Variants in ADGRL2 observed in about 807,000 individuals in gnomAD.
ADGRL2 encodes calcium-independent alpha-latrotoxin receptor 2.
In ADGRL2, 44 loss-of-function variants were observed where a neutral mutation model predicts 157.4. That is an observed-to-expected ratio of 0.28 (90% CI 0.22 to 0.36). The LOEUF (loss-of-function observed/expected upper bound fraction) is 0.36, where lower values mean the gene tolerates loss of function less well. Ranked by LOEUF, ADGRL2 falls within the 10% of genes least tolerant of loss-of-function variation. The probability of loss-of-function intolerance (pLI) is 1.00; values close to 1 mark genes in which losing one functional copy is unlikely to be tolerated. For missense variants in ADGRL2, 1,510 were observed against 1,768.9 expected (o/e 0.85, Z 2.63); for synonymous variants, 585 against 624.7 (o/e 0.94, Z 0.95).
upstream of ADGRL2, among the ~76,000 whole-genome samples, chr1:81,694,977 C>T (rs918377686): frequency 1.4e-4 from 21 of 152,112 alleles, 1 homozygote; most frequent in African/African-American, 5.1e-4. Context: ...TTTATTGATA[C>T]ATATATTTAT....
Position 81,911,876 on chromosome 1 carries a change from A to ATTTT in ADGRL2, c.287+4661_287+4664dup, listed in dbSNP as rs543340647. 1.2e-3 allele frequency among the ~76,000 whole-genome samples: 139 copies of ATTTT among 120,710 alleles called. 1 individual carries two copies. The East Asian group carries it at 0.02, about 17-fold the overall frequency. 79.2% of individuals were successfully genotyped at this position (120,710 alleles called of 152,430 possible). ...GTATAAAATAGGCCCCCTGCCTCCC[A>ATTTT]TTTTTTTTTTTTTTTTTTGCGGGGG... On this transcript the variant is annotated intron_variant, in intron 3 of 23. Coordinates refer to ENST00000686636, the MANE Select transcript of ADGRL2 (RefSeq NM_001366006.2).
At chr1:81,748,285 TG>T (rs2085369255) in intron 1 of ADGRL2, among the ~76,000 whole-genome samples, 1 of 151,884 alleles carries the variant, frequency 6.6e-6, no homozygotes, top group Non-Finnish European at 1.5e-5. Context: ...GAGACCATCC[TG>T]GCCAACATGG....
chr1:81,675,572 GTT>G (rs3045497), intron 3 of ADGRL2, among the ~76,000 whole-genome samples: 42,958 of 143,434 alleles, frequency 0.3, 6,192 homozygotes, highest in Admixed American at 0.37. Flanking sequence ...AAAATAAACT[GTT>G]TTTTTTTTTT....
At chr1:81,714,151 AT>A (rs1176570710) in intron 1 of ADGRL2, among the ~76,000 whole-genome samples, 2 of 152,128 alleles carry the variant, frequency 1.3e-5, no homozygotes, top group Non-Finnish European at 2.9e-5. Context: ...CTCCCATGAC[AT>A]GTGGGGATTA....
At chr1:81,908,735 A>G (rs964532471) in intron 3 of ADGRL2, among the ~76,000 whole-genome samples, 2 of 152,142 alleles carry the variant, frequency 1.3e-5, no homozygotes, top group African/African-American at 4.8e-5. Context: ...CAGTGTTGCC[A>G]GTGTTTGAAA....
intron 1 of ADGRL2, among the ~76,000 whole-genome samples, chr1:81,433,359 T>C (rs2077356028): frequency 6.6e-6 from 1 of 152,192 alleles, no homozygotes; most frequent in South Asian, 2.1e-4. Context: ...CAAAAGGTCA[T>C]AGACAACATA....
chr1:81,742,675 A>G (rs1232039720), intron 1 of ADGRL2, among the ~76,000 whole-genome samples: 1 of 152,112 alleles, frequency 6.6e-6, no homozygotes, highest in Non-Finnish European at 1.5e-5. Context: ...GATTGTTATT[A>G]TCATTCCAGC....
chr1:81,520,412 T>G (rs2148158356), intron 2 of ADGRL2, among the ~76,000 whole-genome samples: 1 of 152,098 alleles, frequency 6.6e-6, no homozygotes, highest in African/African-American at 2.4e-5. Context: ...TAACTTGAAC[T>G]TAAACACCTT....
At chr1:81,755,947 G>A (rs1183486380) in intron 1 of ADGRL2, among the ~76,000 whole-genome samples, 5 of 151,982 alleles carry the variant, frequency 3.3e-5, no homozygotes, top group South Asian at 2.1e-4. Context: ...ACCTCAATCC[G>A]CACCTATTAA....
Position 81,315,218 on chromosome 1 carries a change from TA to T in ADGRL2, c.-302+8716del, listed in dbSNP as rs372005699. On this transcript the variant is annotated intron_variant, in intron 1 of 24. Coordinates refer to the ADGRL2 transcript ENST00000370721. ...AGGTGCATTAAAGGTCACAATTCGA[TA>T]AAAAAATTGATTAGAGGTAGAGATT... is the stretch of plus-strand genomic sequence containing the variant. 4.7e-4 allele frequency among the ~76,000 whole-genome samples: 72 copies of T among 152,182 alleles called. No individual in the cohort carries two copies. In the East Asian group the frequency reaches 0.011, roughly 24 times the overall value.
At chr1:81,916,411 G>C (rs2094855791) in intron 3 of ADGRL2, among the ~76,000 whole-genome samples, 1 of 152,062 alleles carries the variant, frequency 6.6e-6, no homozygotes, top group African/African-American at 2.4e-5. Context: ...AAATAGAAAT[G>C]AAATTTTATT....
At chr1:81,475,901 C>T (rs11590543) in intron 2 of ADGRL2, among the ~76,000 whole-genome samples, 24,952 of 152,122 alleles carry the variant, frequency 0.16, 2,119 homozygotes, top group African/African-American at 0.2. Flanking sequence ...GTTATCTCTG[C>T]CACGGGGGCA....
intron 1 of ADGRL2, among the ~76,000 whole-genome samples, chr1:81,751,497 A>T (rs1172233541): frequency 1.3e-5 from 2 of 152,178 alleles, no homozygotes; most frequent in African/African-American, 4.8e-5. Context: ...AAACAAACTA[A>T]CTCACAATCT....
At chr1:81,411,418 G>T (rs2076942906) in intron 1 of ADGRL2, among the ~76,000 whole-genome samples, 1 of 152,084 alleles carries the variant, frequency 6.6e-6, no homozygotes, top group Non-Finnish European at 1.5e-5. Flanking sequence ...AATCCTTCCA[G>T]CAGCCCCATG....
At chr1:81,359,156 C>T (rs59559173) in intron 1 of ADGRL2, among the ~76,000 whole-genome samples, 6,794 of 152,006 alleles carry the variant, frequency 0.045, 244 homozygotes, top group African/African-American at 0.091. Flanking sequence ...CAAATGGAGG[C>T]CAGATCATAC....
intron 2 of ADGRL2, among the ~76,000 whole-genome samples, chr1:81,774,902 A>C (rs1447182413): frequency 6.6e-6 from 1 of 152,194 alleles, no homozygotes; most frequent in Non-Finnish European, 1.5e-5. Flanking sequence ...ATAGTAACAA[A>C]AGATGACACC....
chr1:81,883,647 A>C (rs980759190), intron 2 of ADGRL2, among the ~76,000 whole-genome samples: 10 of 152,158 alleles, frequency 6.6e-5, no homozygotes, highest in Non-Finnish European at 1.5e-5. Context: ...TACTGCACAG[A>C]ACTTTTGTTT....
At chr1:81,590,663 G>A (rs1459892391) in intron 3 of ADGRL2, among the ~76,000 whole-genome samples, 2 of 152,008 alleles carry the variant, frequency 1.3e-5, no homozygotes, top group African/African-American at 4.8e-5. Context: ...CTCTCCTAAG[G>A]AACATAGATA....
intron 2 of ADGRL2, among the ~76,000 whole-genome samples, chr1:81,579,083 G>T (rs2080854804): frequency 6.6e-6 from 1 of 152,098 alleles, no homozygotes; most frequent in Non-Finnish European, 1.5e-5. Flanking sequence ...TACCTATGGG[G>T]AGTTCATTCT....
Sources: allele counts gnomAD v4.1 joint callset (sites outside exome capture counted in the v4.1 genomes callset), GRCh38; gene constraint gnomAD v4.1.1; transcripts MANE v1.5; gene names NCBI Gene and HGNC (gene_info 2026-07-23, HGNC 2026-07-21).